Variants in ASIP observed in about 807,000 individuals in gnomAD.
ASIP encodes agouti signaling protein, also known as agouti-signaling protein.
Under a neutral mutation model 10.3 loss-of-function variants are expected in ASIP, and 11 were observed. That is an observed-to-expected ratio of 1.07 (90% CI 0.68 to 1.78). ASIP has a LOEUF of 1.78. Ranked by LOEUF, ASIP falls within the 40% of genes most tolerant of loss-of-function variation. The pLI is 0.00. For missense variants in ASIP, 180 were observed against 169.2 expected (o/e 1.06, Z -0.35); for synonymous variants, 70 against 70.8 (o/e 0.99, Z 0.06).
intron 1 of ASIP, among the ~76,000 whole-genome samples, chr20:34,218,947 G>GC (rs2035027509): frequency 6.6e-6 from 1 of 152,174 alleles, no homozygotes; most frequent in African/African-American, 2.4e-5. Flanking sequence ...ACAGGTGTGA[G>GC]CCACCACGCC....
chr20:34,243,684 T>A (rs1033380807), intron 1 of ASIP, among the ~76,000 whole-genome samples: 5 of 151,686 alleles, frequency 3.3e-5, no homozygotes, highest in African/African-American at 1.2e-4. Flanking sequence ...TTTAGTAGAA[T>A]TCACAGTTAA....
At chr20:34,189,549 C>T in the ASIP span, among the ~76,000 whole-genome samples, 1 of 152,098 alleles carries the variant, frequency 6.6e-6, no homozygotes, top group African/African-American at 2.4e-5. Flanking sequence ...GCCCTGCTCC[C>T]CCTAAGTATT....
chr20:34,214,192 G>A, intron 1 of ASIP: 2 of 1,284,288 alleles, frequency 1.6e-6, no homozygotes, highest in Non-Finnish European at 2.3e-6. Flanking sequence ...GGATTCATTT[G>A]CTTATTGAGA....
intron 1 of ASIP, among the ~76,000 whole-genome samples, chr20:34,220,319 G>A (rs566580863): frequency 2.8e-4 from 42 of 152,230 alleles, no homozygotes; most frequent in Admixed American, 9.8e-4. Context: ...CACAGGGGCC[G>A]GGTGCAGTGG....
At chr20:34,205,624 C>T (rs560106752) in intron 1 of ASIP, among the ~76,000 whole-genome samples, 3 of 105,024 alleles carry the variant, frequency 2.9e-5, no homozygotes, top group Non-Finnish European at 5.1e-5. Flanking sequence ...CTTATTTGGC[C>T]CCACCCACAT....
At chr20:34,212,666 C>T (rs939367489) in intron 1 of ASIP, among the ~76,000 whole-genome samples, 1 of 152,004 alleles carries the variant, frequency 6.6e-6, no homozygotes, top group Non-Finnish European at 1.5e-5. Context: ...CATTCTTTGT[C>T]TTTTATGACA....
upstream of ASIP, among the ~76,000 whole-genome samples, chr20:34,240,965 G>A (rs945705501): frequency 1.3e-5 from 2 of 152,132 alleles, no homozygotes; most frequent in African/African-American, 2.4e-5. Flanking sequence ...GAGATGAGGT[G>A]GGGAAGCCAG....
At position 34,220,286 on chromosome 20, in the gene ASIP, C is replaced by T. The variant is rs532938366; in HGVS notation, c.-11+25526C>T. 4.6e-5 allele frequency among the ~76,000 whole-genome samples: 7 copies of T among 151,860 alleles called. No individual in the cohort carries two copies. The South Asian group carries it at 1.2e-3, about 27-fold the overall frequency. The stretch of plus-strand genomic sequence containing the variant: ...GACTAATAAATGGGCATTTTCAATA[C>T]AAGAGATTAAGTTAAAAGTAAGCAC... On this transcript the variant is annotated intron_variant, in intron 1 of 3. Coordinates refer to the ASIP transcript ENST00000568305.
At chr20:34,235,866 AAAGGAAGGAAGGAAGG>A (rs551494077) in intron 1 of ASIP, among the ~76,000 whole-genome samples, 4 of 36,864 alleles carry the variant, frequency 1.1e-4, no homozygotes, top group Non-Finnish European at 1.2e-4. Flanking sequence ...GGAAGGAAGG[AAAGGAAGGAAGGAAGG>A]AAGGAAGGAA....
chr20:34,246,067 C>T (rs1314955186), intron 1 of ASIP: 3 of 884,394 alleles, frequency 3.4e-6, no homozygotes, highest in African/African-American at 3.3e-5. Context: ...TTCATCCTCC[C>T]CATTACTGAG....
Position 34,269,189 on chromosome 20 carries a change from A to C in ASIP, c.*22A>C. The C allele has an allele frequency of 6.7e-7, 1 of 1,481,908 alleles. No individual in the cohort carries two copies. The highest frequency in any genetic ancestry group is 9.0e-7 in the Non-Finnish European group (1 of 1,116,246). 91.8% of individuals were successfully genotyped at this position (1,481,908 alleles called of 1,614,324 possible). ...CTGAGCGCCCCCACTCCCGGCCGCG[A>C]GCAGGCAGGGCTTCGGGGACGCGGG... On this transcript the variant is annotated 3_prime_UTR_variant, in exon 4 of 4. Transcript: ENST00000374954.
chr20:34,237,001 A>G (rs1472410408), upstream of ASIP, among the ~76,000 whole-genome samples: 1 of 152,210 alleles, frequency 6.6e-6, no homozygotes, highest in Admixed American at 6.5e-5. Context: ...CACCTTTGTC[A>G]AAAATCACTT....
chr20:34,232,140 G>T (rs2035125771), intron 1 of ASIP, among the ~76,000 whole-genome samples: 1 of 152,192 alleles, frequency 6.6e-6, no homozygotes, highest in South Asian at 2.1e-4. Flanking sequence ...CACTGAGTTT[G>T]GGGAACCCAC....
intron 1 of ASIP, among the ~76,000 whole-genome samples, chr20:34,235,910 G>A (rs1301027756): frequency 9.1e-6 from 1 of 109,296 alleles, no homozygotes; most frequent in African/African-American, 9.3e-5. Context: ...AAGGAAGGAA[G>A]GAAGGAAGGA....
chr20:34,258,690 T>TATATATATATATATATACACAC (rs1250992566), intron 1 of ASIP, among the ~76,000 whole-genome samples: 2 of 72,306 alleles, frequency 2.8e-5, no homozygotes, highest in African/African-American at 1.5e-4. Flanking sequence ...TATATATATA[T>TATATATATATATATATACACAC]ACATACTATA....
At chr20:34,203,737 T>A (rs886297983) in intron 1 of ASIP, among the ~76,000 whole-genome samples, 5 of 152,032 alleles carry the variant, frequency 3.3e-5, no homozygotes, top group African/African-American at 9.7e-5. Context: ...TTATTTATTT[T>A]TTGAGATGGA....
intron 1 of ASIP, among the ~76,000 whole-genome samples, chr20:34,207,956 A>AT (rs1175447494): frequency 6.6e-6 from 1 of 151,696 alleles, no homozygotes; most frequent in East Asian, 1.9e-4. Context: ...CGCCTGGCTG[A>AT]TTTTTTGTAT....
chr20:34,245,144 G>A (rs1354582657), intron 1 of ASIP, among the ~76,000 whole-genome samples: 1 of 151,770 alleles, frequency 6.6e-6, no homozygotes, highest in East Asian at 2.0e-4. Context: ...GACCAGCCTG[G>A]CAAACATGAT....
the ASIP span, among the ~76,000 whole-genome samples, chr20:34,189,106 C>T: frequency 0.011 from 1,623 of 152,244 alleles, 10 homozygotes; most frequent in Middle Eastern, 0.034. Flanking sequence ...ATTCTCACAA[C>T]GACCGTGAGG....
Sources: gnomAD v4.1 joint callset for allele counts (sites outside exome capture counted in the v4.1 genomes callset) on GRCh38, gnomAD v4.1.1 for gene constraint, MANE v1.5 for transcripts, NCBI Gene and HGNC (gene_info 2026-07-23, HGNC 2026-07-21) for gene names.